Variants in ZSWIM3 observed in about 807,000 individuals in gnomAD.
ZSWIM3 encodes the protein zinc finger SWIM-type containing 3.
A neutral mutation model predicts 47.5 loss-of-function variants in ZSWIM3; 27 were observed. That is an observed-to-expected ratio of 0.57 (90% CI 0.42 to 0.78). The LOEUF (loss-of-function observed/expected upper bound fraction) is 0.78, where lower values mean the gene tolerates loss of function less well. ZSWIM3 is among the 30% of genes least tolerant of loss of function. The pLI is 0.00. For synonymous variants in ZSWIM3, 333 were observed against 333.9 expected, an observed-to-expected ratio of 1.00 and a Z score of 0.03; for missense variants, 689 against 861.3, an observed-to-expected ratio of 0.80 and a Z score of 2.50.
chr20:45,877,960 C>T lies in ZSWIM3; in HGVS notation c.1402C>T (p.Pro468Ser). The T allele has an allele frequency of 1.2e-6, 2 of 1,614,150 alleles. No individual in the cohort carries two copies. Among genetic ancestry groups the T allele is most frequent in the African/African-American group, 2.7e-5 (2 of 75,044 alleles). The change falls in exon 2 of 2, where the codon CCT becomes TCT. Residue 468 changes from proline (P) to serine (S), a missense_variant. Physicochemically the swap from Pro to Ser is moderately conservative, Grantham distance 74. Transcript: ENST00000255152. ...CTGTGGAGAGAGCCTTACCAGCCTC[C>T]CTGCAGAAGAGACCAAGCCAGACGC... ...GICGESLTSL[P>S]AEETKPDAQQ... is the part of the protein sequence containing the mutation.
chr20:45,862,648 C>A (rs1056629423), intron 1 of ZSWIM3, among the ~76,000 whole-genome samples: 4 of 152,108 alleles, frequency 2.6e-5, no homozygotes, highest in Admixed American at 2.6e-4. Context: ...TGCACCACCA[C>A]GCCTGGCTAA....
chr20:45,857,942 C>T lies in ZSWIM3; in HGVS notation c.117C>T (p.His39=). ...ILRDCVSVRF[H]NLNHGTSIRE... ...GGGACTGCGTCTCCGTCCGCTTCCA[C>T]AACCTCAACCATGGCACCTCCATCC... Residue 39 remains histidine (H), a synonymous_variant, in exon 1 of 2, where the codon CAC becomes CAT. Coordinates refer to ENST00000255152, the MANE Select transcript of ZSWIM3 (RefSeq NM_080752.4). 1.3e-6 allele frequency: 2 copies of T among 1,523,702 alleles called. No homozygotes were observed. Among genetic ancestry groups the T allele is most frequent in the Non-Finnish European group, 1.8e-6 (2 of 1,123,068 alleles). The allele number at this position is 1,523,702 out of a possible 1,614,324, so 94.4% of individuals were successfully genotyped here.
rs1177579574 is a variant in ZSWIM3 at position 45,877,992 on chromosome 20, G to A, written c.1434G>A (p.Gln478=). ...PAEETKPDAQ[Q]VQVQQQSQVP... is the part of the protein sequence containing the mutation. ...AAGAGACCAAGCCAGACGCACAGCA[G>A]GTACAGGTACAGCAGCAGTCACAAG... The change falls in exon 2 of 2, where the codon CAG becomes CAA. Residue 478 remains glutamine, a synonymous_variant. Coordinates refer to ENST00000255152, the MANE Select transcript of ZSWIM3 (RefSeq NM_080752.4). 1 of 1,613,878 alleles carries A rather than the reference G, an allele frequency of 6.2e-7. No individual in the cohort carries two copies. Among genetic ancestry groups the A allele is most frequent in the Admixed American group, 1.7e-5 (1 of 60,016 alleles).
At chr20:45,870,660 G>C (rs1046603465) in intron 1 of ZSWIM3, among the ~76,000 whole-genome samples, 4 of 151,832 alleles carry the variant, frequency 2.6e-5, no homozygotes, top group Middle Eastern at 6.8e-3. Context: ...GAAGTGACTT[G>C]TCCAAGGTCA....
chr20:45,861,980 G>T (rs1218582219), intron 1 of ZSWIM3, among the ~76,000 whole-genome samples: 1 of 151,884 alleles, frequency 6.6e-6, no homozygotes, highest in Non-Finnish European at 1.5e-5. Flanking sequence ...AGTGAGTCAA[G>T]ATCATGCCAC....
chr20:45,857,695 A>G lies in ZSWIM3; in HGVS notation c.-131A>G, dbSNP rs1380356686. 5.3e-6 allele frequency: 6 copies of G among 1,138,502 alleles called. No homozygotes were observed. In the East Asian group the frequency reaches 1.2e-4, roughly 23 times the overall value. 70.5% of individuals were successfully genotyped at this position (1,138,502 alleles called of 1,614,324 possible). A position where few individuals can be genotyped will look rare whatever the true frequency, so the allele number is the denominator to read the frequency against. On this transcript the variant is annotated 5_prime_UTR_variant, in exon 1 of 2. Transcript: ENST00000255152. The stretch of plus-strand genomic sequence containing the variant: ...CCCTGAGTTCCAGAATAGGCCACCC[A>G]GTTGGGGCGGACCCTTAAGGCATTC...
rs764839040 is a variant in ZSWIM3 at position 45,877,720 on chromosome 20, T to C, written c.1162T>C (p.Cys388Arg). 8.1e-6 allele frequency: 13 copies of C among 1,613,876 alleles called. No individual in the cohort carries two copies. In the African/African-American group the frequency reaches 1.6e-4, roughly 20 times the overall value. Residue 388 changes from cysteine (C) to arginine (R), a missense_variant, in exon 2 of 2, where the codon TGT becomes CGT. Physicochemically the swap from Cys to Arg is radical, Grantham distance 180. Transcript: ENST00000255152. The stretch of plus-strand genomic sequence containing the variant: ...GCATGTTAGGAAGGGCCTGCTTGCG[T>C]GTAACACCTACATGGACAGCCTAGA... ...YMHVRKGLLACNTYMDSLDIV... is the reference protein window; with the variant it reads ...YMHVRKGLLARNTYMDSLDIV...
chr20:45,872,771 C>G (rs758020016), intron 1 of ZSWIM3: 1 of 1,289,286 alleles, frequency 7.8e-7, no homozygotes. Context: ...ACTGCTCCAG[C>G]CCTTCCTGGC....
chr20:45,858,000 G>T lies in ZSWIM3; in HGVS notation c.155+20G>T. 3.9e-6 allele frequency: 2 copies of T among 512,480 alleles called. No individual in the cohort carries two copies. The highest frequency in any genetic ancestry group is 1.5e-5 in the South Asian group (1 of 68,138). The allele number at this position is 512,480 out of a possible 1,614,324, so 31.7% of individuals were successfully genotyped here. A position where few individuals can be genotyped will look rare whatever the true frequency, so the allele number is the denominator to read the frequency against. On this transcript the variant is annotated intron_variant, in intron 1 of 1. Transcript: ENST00000255152. ...CATCCTGTAAGGGCGGGCGGGGCGG[G>T]GCGGGCCAAGAGGGTGGGGAGGAGG...
At chr20:45,858,497 T>G (rs933893764) in intron 1 of ZSWIM3, among the ~76,000 whole-genome samples, 1 of 152,172 alleles carries the variant, frequency 6.6e-6, no homozygotes, top group Non-Finnish European at 1.5e-5. Flanking sequence ...TCCTCCCACC[T>G]CAGCCTCTCA....
chr20:45,862,147 T>C (rs1470044406), intron 1 of ZSWIM3, among the ~76,000 whole-genome samples: 1 of 150,824 alleles, frequency 6.6e-6, no homozygotes, highest in Non-Finnish European at 1.5e-5. Flanking sequence ...TTGGTTTTTT[T>C]TGGTTTTTTT....
Position 45,878,805 on chromosome 20 carries a change from T to A in ZSWIM3, c.*156T>A. 1.0e-6 allele frequency: 1 copy of A among 973,398 alleles called. No individual in the cohort carries two copies. The highest frequency in any genetic ancestry group is 1.5e-6 in the Non-Finnish European group (1 of 685,860). 60.3% of individuals were successfully genotyped at this position (973,398 alleles called of 1,614,324 possible). A position where few individuals can be genotyped will look rare whatever the true frequency, so the allele number is the denominator to read the frequency against. ...AGTAGAGAGGAAGGGAACTCCACTG[T>A]GTGACAGTCCTTTCAATCTGCCCCT... On this transcript the variant is annotated 3_prime_UTR_variant, in exon 2 of 2. Coordinates refer to ENST00000255152, the MANE Select transcript of ZSWIM3 (RefSeq NM_080752.4).
Position 45,871,500 on chromosome 20 carries a change from G to A in ZSWIM3, c.156-5214G>A, listed in dbSNP as rs570804843. On this transcript the variant is annotated intron_variant, in intron 1 of 1. Transcript: ENST00000255152. Reference sequence around the variant, plus strand: ...CTGGGATAGAATTTTCTTAGAAGACGTGGCTCCTAGTCCTAGCACTATTAC... The same window carrying A: ...CTGGGATAGAATTTTCTTAGAAGACATGGCTCCTAGTCCTAGCACTATTAC... Among the ~76,000 whole-genome samples, 62 of 152,250 alleles carry A rather than the reference G, an allele frequency of 4.1e-4. 1 individual carries two copies. Among genetic ancestry groups the A allele is most frequent in the African/African-American group, 1.4e-3 (59 of 41,562 alleles).
In ZSWIM3 at chr20:45,878,510, T is replaced by C. The variant is rs1460170989; in HGVS notation, c.1952T>C (p.Ile651Thr). The change falls in exon 2 of 2, where the codon ATC (isoleucine) becomes ACC (threonine). Residue 651 changes from isoleucine (I) to threonine (T), a missense_variant. Coordinates refer to ENST00000255152, the MANE Select transcript of ZSWIM3 (RefSeq NM_080752.4). ...RYSTLRKIVD[I>T]WAGPSQPSEL... ...TCCACCCTGCGCAAGATTGTGGATATCTGGGCTGGCCCCTCCCAGCCATCT... is the reference window on the plus strand; with the variant it reads ...TCCACCCTGCGCAAGATTGTGGATACCTGGGCTGGCCCCTCCCAGCCATCT... The C allele has an allele frequency of 1.2e-6, 2 of 1,614,200 alleles. No homozygotes were observed. The highest frequency in any genetic ancestry group is 1.1e-5 in the South Asian group (1 of 91,088).
rs3746525 is a variant in ZSWIM3 at position 45,878,746 on chromosome 20, A to G, written c.*97A>G. ...ATACTAGGGTTTAGCATTTTAGCCA[A>G]TGTCTTCCTAGGTGGGGCTAGGAAT... On this transcript the variant is annotated 3_prime_UTR_variant, in exon 2 of 2. Transcript: ENST00000255152. The G allele has an allele frequency of 9.4e-3, 13,554 of 1,443,202 alleles. 631 individuals are homozygous for G. In the East Asian group the frequency reaches 0.14, roughly 15 times the overall value. The allele number at this position is 1,443,202 out of a possible 1,614,324, so 89.4% of individuals were successfully genotyped here. A position where few individuals can be genotyped will look rare whatever the true frequency, so the allele number is the denominator to read the frequency against.
At chr20:45,858,481 A>C (rs3761154) in intron 1 of ZSWIM3, among the ~76,000 whole-genome samples, 78,483 of 152,030 alleles carry the variant, frequency 0.52, 20,815 homozygotes, top group Admixed American at 0.6. Flanking sequence ...TGCTGGGCTC[A>C]AGCGATCCTC....
intron 1 of ZSWIM3, among the ~76,000 whole-genome samples, chr20:45,876,365 G>T (rs1231090792): frequency 6.6e-6 from 1 of 150,528 alleles, no homozygotes; most frequent in Non-Finnish European, 1.5e-5. Flanking sequence ...TTGAGATAGG[G>T]TCTCACTCTG....
In ZSWIM3 at chr20:45,857,869, A is replaced by G; in HGVS notation, c.44A>G (p.Glu15Gly). Residue 15 changes from glutamate (E) to glycine (G), a missense_variant, in exon 1 of 2, where the codon GAG becomes GGG. By Grantham distance (98) the Glu-to-Gly change is moderately conservative. Transcript: ENST00000255152. ...TTCAAGACCTATGAGGACTTCAAGG[A>G]GTGCTTCAGCGCCTACAAAAGGGAG... The part of the protein sequence containing the change: ...SCFKTYEDFK[E>G]CFSAYKRENR... The G allele has an allele frequency of 6.2e-7, 1 of 1,614,078 alleles. No homozygotes were observed. Among genetic ancestry groups the G allele is most frequent in the Non-Finnish European group, 8.5e-7 (1 of 1,180,014 alleles).
intron 1 of ZSWIM3, among the ~76,000 whole-genome samples, chr20:45,866,515 A>G (rs893037034): frequency 7.2e-5 from 11 of 151,904 alleles, no homozygotes; most frequent in Admixed American, 7.2e-4. Context: ...GGGATGATTA[A>G]GGAAATTCAG....
Sources: gnomAD v4.1 joint callset for allele counts (sites outside exome capture counted in the v4.1 genomes callset) on GRCh38, gnomAD v4.1.1 for gene constraint, MANE v1.5 for transcripts, NCBI Gene and HGNC (gene_info 2026-07-23, HGNC 2026-07-21) for gene names.